Variants in ADAMTSL1 observed in about 807,000 individuals in gnomAD.
ADAMTSL1 encodes ADAMTS-like protein 1.
A neutral mutation model predicts 201.8 loss-of-function variants in ADAMTSL1; 126 were observed. That is an observed-to-expected ratio of 0.62 (90% CI 0.54 to 0.72). The LOEUF (loss-of-function observed/expected upper bound fraction) is 0.72, where lower values mean the gene tolerates loss of function less well. Among genes scored for constraint, ADAMTSL1 ranks in the 30% least tolerant of loss-of-function variants. The probability of loss-of-function intolerance (pLI) is 0.00; values close to 1 mark genes in which losing one functional copy is unlikely to be tolerated. For missense variants in ADAMTSL1, 2,679 were observed against 2,277.8 expected (o/e 1.18, Z -3.59); for synonymous variants, 1,121 against 903.4 (o/e 1.24, Z -4.32).
intron 15 of ADAMTSL1, among the ~76,000 whole-genome samples, chr9:18,727,740 T>G (rs987845389): frequency 6.6e-6 from 1 of 152,228 alleles, no homozygotes; most frequent in African/African-American, 2.4e-5. Flanking sequence ...TATCTTTACA[T>G]CACCTGTTAC....
chr9:18,751,703 A>G (rs1327272684), intron 15 of ADAMTSL1, among the ~76,000 whole-genome samples: 1 of 152,234 alleles, frequency 6.6e-6, no homozygotes, highest in Non-Finnish European at 1.5e-5. Context: ...ACTGTAATAC[A>G]ACTGAGAAAA....
chr9:18,440,649 T>C (rs550039030), intron 2 of ADAMTSL1, among the ~76,000 whole-genome samples: 1 of 151,478 alleles, frequency 6.6e-6, no homozygotes, highest in Non-Finnish European at 1.5e-5. Flanking sequence ...AAATACTTCT[T>C]TTTTATAAGT....
chr9:18,076,116 A>T (rs558351851), intron 1 of ADAMTSL1, among the ~76,000 whole-genome samples: 2 of 152,296 alleles, frequency 1.3e-5, no homozygotes, highest in Admixed American at 1.3e-4. Flanking sequence ...AATAATTGTG[A>T]CTTCCTCAAA....
chr9:18,293,909 G>A (rs908828433), intron 2 of ADAMTSL1, among the ~76,000 whole-genome samples: 9 of 152,148 alleles, frequency 5.9e-5, no homozygotes, highest in African/African-American at 1.9e-4. Flanking sequence ...TGGGGTGGAG[G>A]AGGAGGTGAT....
intron 16 of ADAMTSL1, among the ~76,000 whole-genome samples, chr9:18,755,232 C>G (rs573218084): frequency 1.3e-4 from 20 of 152,308 alleles, no homozygotes; most frequent in African/African-American, 4.8e-4. Flanking sequence ...TAAGTTACCT[C>G]TAATTGGAGT....
At chr9:18,661,723 TA>T (rs1481663832) in intron 8 of ADAMTSL1, among the ~76,000 whole-genome samples, 2 of 152,202 alleles carry the variant, frequency 1.3e-5, no homozygotes, top group Non-Finnish European at 2.9e-5. Flanking sequence ...TTATATAATG[TA>T]ATTATTAAGA....
At position 18,889,644 on chromosome 9, in the gene ADAMTSL1, G is replaced by A. The variant is rs1220052280; in HGVS notation, c.4539G>A (p.Leu1513=). The A allele has an allele frequency of 6.2e-7, 1 of 1,612,936 alleles. No individual in the cohort carries two copies. The highest frequency in any genetic ancestry group is 1.3e-5 in the African/African-American group (1 of 74,996). ...CGNRGVQQPR[L]RCLLNSTEVN... ...ACCGGGGGGTTCAGCAGCCCCGCTT[G>A]AGGTGCCTGCTGAACAGCACGGAGG... Residue 1513 remains leucine (L), a synonymous_variant, in exon 25 of 29, where the codon TTG becomes TTA. Coordinates refer to ENST00000380548, the MANE Select transcript of ADAMTSL1 (RefSeq NM_001040272.6).
chr9:18,487,510 C>A (rs188916754), intron 1 of ADAMTSL1, among the ~76,000 whole-genome samples: 1 of 152,232 alleles, frequency 6.6e-6, no homozygotes, highest in East Asian at 1.9e-4. Context: ...AAATTGACTG[C>A]AAACAGCATG....
At chr9:18,135,691 GTA>G (rs1001554444) in intron 1 of ADAMTSL1, among the ~76,000 whole-genome samples, 1 of 152,000 alleles carries the variant, frequency 6.6e-6, no homozygotes. Context: ...CCATATGCAT[GTA>G]TATCACATGT....
intron 7 of ADAMTSL1, among the ~76,000 whole-genome samples, chr9:18,646,808 T>C (rs978109394): frequency 1.3e-5 from 2 of 152,116 alleles, no homozygotes; most frequent in Non-Finnish European, 2.9e-5. Flanking sequence ...TTATTGAGGA[T>C]TTTTGCATCA....
At chr9:18,576,566 T>C (rs765266062) in intron 4 of ADAMTSL1, among the ~76,000 whole-genome samples, 15 of 152,210 alleles carry the variant, frequency 9.9e-5, no homozygotes, top group Non-Finnish European at 2.1e-4. Context: ...CCTGGACTTT[T>C]TAGAGCCAGA....
chr9:18,657,427 C>T (rs1452736834), intron 7 of ADAMTSL1, among the ~76,000 whole-genome samples: 1 of 152,170 alleles, frequency 6.6e-6, no homozygotes, highest in Non-Finnish European at 1.5e-5. Flanking sequence ...GGCAACAGAA[C>T]TCAGAAGATA....
At chr9:17,937,575 C>G (rs1366544205) in intron 1 of ADAMTSL1, among the ~76,000 whole-genome samples, 5 of 113,732 alleles carry the variant, frequency 4.4e-5, no homozygotes, top group Non-Finnish European at 9.7e-5. Flanking sequence ...AATATTAACC[C>G]TTTTTAGATG....
At chr9:17,926,508 A>G (rs1426203339) in intron 1 of ADAMTSL1, among the ~76,000 whole-genome samples, 1 of 152,166 alleles carries the variant, frequency 6.6e-6, no homozygotes, top group Non-Finnish European at 1.5e-5. Flanking sequence ...CCACCCAGGA[A>G]GGAGGAGGAG....
intron 20 of ADAMTSL1, among the ~76,000 whole-genome samples, chr9:18,801,451 T>A (rs147871558): frequency 2.0e-3 from 311 of 152,276 alleles, no homozygotes; most frequent in African/African-American, 7.3e-3. Context: ...CACAGGGATT[T>A]GTTGTACAGA....
intron 9 of ADAMTSL1, among the ~76,000 whole-genome samples, chr9:18,662,885 C>T (rs1270445751): frequency 2.0e-5 from 3 of 152,158 alleles, no homozygotes; most frequent in Non-Finnish European, 4.4e-5. Flanking sequence ...TACTCATCCT[C>T]AACTTATGAG....
chr9:17,927,461 C>T (rs1462990191), intron 1 of ADAMTSL1, among the ~76,000 whole-genome samples: 1 of 151,544 alleles, frequency 6.6e-6, no homozygotes, highest in Non-Finnish European at 1.5e-5. Flanking sequence ...TACATGCATG[C>T]AGTGGAATAT....
intron 23 of ADAMTSL1, among the ~76,000 whole-genome samples, chr9:18,851,158 T>A (rs1826469058): frequency 6.6e-6 from 1 of 152,148 alleles, no homozygotes; most frequent in African/African-American, 2.4e-5. Flanking sequence ...AGGTGCCATA[T>A]GGGAAGTTTC....
At chr9:17,909,124 G>C (rs1232970398) in intron 1 of ADAMTSL1, among the ~76,000 whole-genome samples, 4 of 146,382 alleles carry the variant, frequency 2.7e-5, no homozygotes, top group Admixed American at 6.9e-5. Context: ...GTCTTCTTTT[G>C]AGAAGTGTCT....
Sources: gnomAD v4.1 joint callset for allele counts (sites outside exome capture counted in the v4.1 genomes callset) on GRCh38, gnomAD v4.1.1 for gene constraint, MANE v1.5 for transcripts, NCBI Gene and HGNC (gene_info 2026-07-23, HGNC 2026-07-21) for gene names.